Variants in SCHIP1 observed in about 807,000 individuals in gnomAD.
SCHIP1 encodes the protein schwannomin-interacting protein 1.
In SCHIP1, 8 loss-of-function variants were observed where a neutral mutation model predicts 29.7. That is an observed-to-expected ratio of 0.27 (90% CI 0.16 to 0.49). SCHIP1 has a LOEUF of 0.49. SCHIP1 is among the 20% of genes least tolerant of loss of function. SCHIP1 has a pLI of 0.99. For synonymous variants in SCHIP1, 76 were observed against 94.9 expected (o/e 0.80, Z 1.16); for missense variants, 193 against 294.6 (o/e 0.66, Z 2.52).
the SCHIP1 span, among the ~76,000 whole-genome samples, chr3:159,587,141 C>A: frequency 1.3e-5 from 2 of 152,130 alleles, no homozygotes; most frequent in Non-Finnish European, 2.9e-5. Flanking sequence ...GATAGACAGT[C>A]TGATTCATTA....
At chr3:159,349,087 T>C in the SCHIP1 span, among the ~76,000 whole-genome samples, 124 of 152,300 alleles carry the variant, frequency 8.1e-4, no homozygotes, top group African/African-American at 2.7e-3. Context: ...AGAGCAAGAA[T>C]CTTCTATTTT....
At chr3:159,616,197 T>G in the SCHIP1 span, among the ~76,000 whole-genome samples, 1 of 152,166 alleles carries the variant, frequency 6.6e-6, no homozygotes, top group African/African-American at 2.4e-5. Flanking sequence ...TTTTGTTTTG[T>G]TTTTTGTTCC....
At chr3:159,797,788 T>C in the SCHIP1 span, among the ~76,000 whole-genome samples, 3 of 152,154 alleles carry the variant, frequency 2.0e-5, no homozygotes, top group Non-Finnish European at 4.4e-5. Context: ...AGTTTTTATT[T>C]GCAATTCTAG....
chr3:159,764,482 G>GGCAGCAGCA, the SCHIP1 span: 6 of 1,589,038 alleles, frequency 3.8e-6, no homozygotes, highest in African/African-American at 4.0e-5. The surrounding 1 kb of genome is among the most constrained non-coding windows in gnomAD (Gnocchi z 6.1). Context: ...CAGTGACGCC[G>GGCAGCAGCA]GCAGCAGCAG....
chr3:159,624,220 G>A, the SCHIP1 span, among the ~76,000 whole-genome samples: 1 of 152,094 alleles, frequency 6.6e-6, no homozygotes, highest in East Asian at 1.9e-4. Context: ...TCCATTAATA[G>A]TTCCATATTC....
chr3:159,533,498 C>T, the SCHIP1 span, among the ~76,000 whole-genome samples: 1 of 152,066 alleles, frequency 6.6e-6, no homozygotes, highest in South Asian at 2.1e-4. Flanking sequence ...CTCACAGCAA[C>T]CAATGAGGCT....
At chr3:159,434,551 C>G in the SCHIP1 span, among the ~76,000 whole-genome samples, 2 of 152,076 alleles carry the variant, frequency 1.3e-5, no homozygotes, top group African/African-American at 2.4e-5. Flanking sequence ...AGATGGTTAC[C>G]AAAGCTGCAG....
the SCHIP1 span, among the ~76,000 whole-genome samples, chr3:159,402,759 C>T: frequency 6.6e-6 from 1 of 152,010 alleles, no homozygotes; most frequent in African/African-American, 2.4e-5. Flanking sequence ...GGAAGGCGAA[C>T]ATCACACACT....
chr3:159,432,327 TGTGTGTGTGTGTGAGAGAGA>T, the SCHIP1 span, among the ~76,000 whole-genome samples: 4,785 of 105,970 alleles, frequency 0.045, 120 homozygotes, highest in Middle Eastern at 0.076. Context: ...TGTGTGTGTG[TGTGTGTGTGTGTGAGAGAGA>T]GAGAGAGAGA....
At chr3:159,721,990 C>G in the SCHIP1 span, 3 of 361,302 alleles carry the variant, frequency 8.3e-6, no homozygotes, top group Non-Finnish European at 1.6e-5. Flanking sequence ...TCCTTATGTT[C>G]CATAGTCTCT....
the SCHIP1 span, among the ~76,000 whole-genome samples, chr3:159,718,461 A>G: frequency 6.6e-6 from 1 of 152,352 alleles, no homozygotes; most frequent in East Asian, 1.9e-4. Context: ...TGCAGATGAC[A>G]TGATTGTATA....
the SCHIP1 span, among the ~76,000 whole-genome samples, chr3:159,622,873 G>A: frequency 8.5e-5 from 13 of 152,232 alleles, no homozygotes; most frequent in African/African-American, 3.1e-4. Context: ...AGCAGAGATT[G>A]TGCCACTGCA....
the SCHIP1 span, among the ~76,000 whole-genome samples, chr3:159,470,988 G>A: frequency 6.6e-6 from 1 of 152,094 alleles, no homozygotes; most frequent in African/African-American, 2.4e-5. Context: ...AGTTGGAGGA[G>A]AGGGGAAAAA....
chr3:159,291,880 AT>A, the SCHIP1 span, among the ~76,000 whole-genome samples: 1 of 152,168 alleles, frequency 6.6e-6, no homozygotes. Flanking sequence ...GGGATGAAAA[AT>A]AAAATTATTT....
At chr3:159,273,737 G>T in the SCHIP1 span, 1 of 1,572,020 alleles carries the variant, frequency 6.4e-7, no homozygotes, top group Admixed American at 1.9e-5. Context: ...GCTAACCCAG[G>T]TGACCCTTTA....
chr3:159,440,483 A>G, the SCHIP1 span, among the ~76,000 whole-genome samples: 1 of 152,156 alleles, frequency 6.6e-6, no homozygotes, highest in South Asian at 2.1e-4. Flanking sequence ...TACATCTTAG[A>G]GTCTGAAGAA....
the SCHIP1 span, among the ~76,000 whole-genome samples, chr3:159,431,630 G>A: frequency 3.3e-5 from 5 of 152,010 alleles, no homozygotes; most frequent in Admixed American, 6.6e-5. Flanking sequence ...CTAAGATGGT[G>A]AAACCCCATC....
chr3:159,750,226 CA>C, the SCHIP1 span, among the ~76,000 whole-genome samples: 2 of 144,990 alleles, frequency 1.4e-5, no homozygotes, highest in Admixed American at 1.4e-4. Flanking sequence ...ATGCACTGGT[CA>C]AAAAGCCAAA....
chr3:159,308,738 A>G, the SCHIP1 span, among the ~76,000 whole-genome samples: 2 of 152,230 alleles, frequency 1.3e-5, no homozygotes, highest in Admixed American at 6.5e-5. Context: ...TGCTATTTAC[A>G]CTAACAAAGA....
Sources: allele counts gnomAD v4.1 joint callset (sites outside exome capture counted in the v4.1 genomes callset), GRCh38; gene constraint gnomAD v4.1.1; non-coding constraint Gnocchi (gnomAD v3.1); transcripts MANE v1.5; gene names NCBI Gene and HGNC (gene_info 2026-07-23, HGNC 2026-07-21).